CALHM4: variants seen among roughly 807,000 people sequenced by gnomAD.
CALHM4 encodes the protein calcium homeostasis modulator protein 4.
In CALHM4, 16 loss-of-function variants were observed where a neutral mutation model predicts 13.3. The observed-to-expected ratio is 1.20, with a 90% CI of 0.81 to 1.82. CALHM4 has a LOEUF of 1.82. Ranked by LOEUF, CALHM4 falls within the 40% of genes most tolerant of loss-of-function variation. The probability of loss-of-function intolerance (pLI) is 0.00; values close to 1 mark genes in which losing one functional copy is unlikely to be tolerated. For synonymous variants in CALHM4, 127 were observed against 137.1 expected (o/e 0.93, Z 0.52); for missense variants, 344 against 374.9 (o/e 0.92, Z 0.68).
chr6:116,553,750 G>GATCA (rs1562363877), upstream of CALHM4: 3 of 1,514,374 alleles, frequency 2.0e-6, no homozygotes, highest in Non-Finnish European at 2.7e-6. Flanking sequence ...GGAGTCTAAT[G>GATCA]ATCAGAAAGG....
intron 1 of CALHM4, among the ~76,000 whole-genome samples, chr6:116,557,270 A>C (rs1774364033): frequency 6.6e-6 from 1 of 152,144 alleles, no homozygotes; most frequent in Non-Finnish European, 1.5e-5. Flanking sequence ...TAGAAACATG[A>C]GTCTCTTCAC....
chr6:116,552,299 A>G (rs1005007603), upstream of CALHM4, among the ~76,000 whole-genome samples: 1 of 152,120 alleles, frequency 6.6e-6, no homozygotes, highest in South Asian at 2.1e-4. Flanking sequence ...TTTAAAGAAT[A>G]TCTATTTTTT....
At chr6:116,530,898 G>T (rs1323892321) in intron 1 of CALHM4, among the ~76,000 whole-genome samples, 1 of 110,404 alleles carries the variant, frequency 9.1e-6, no homozygotes, top group Non-Finnish European at 1.8e-5. Context: ...GATAAAGTGA[G>T]ACTCATATAT....
chr6:116,540,529 G>C, intron 1 of CALHM4: 1 of 1,464,388 alleles, frequency 6.8e-7, no homozygotes, highest in Non-Finnish European at 9.3e-7. Context: ...CAGTTTTTAA[G>C]AAGCGATTTG....
At chr6:116,532,505 C>T (rs772907569) in intron 1 of CALHM4, among the ~76,000 whole-genome samples, 1 of 152,148 alleles carries the variant, frequency 6.6e-6, no homozygotes, top group Non-Finnish European at 1.5e-5. Context: ...ATAAATGATC[C>T]CTCCTTTGGA....
chr6:116,554,752 GTA>G (rs539468098), intron 1 of CALHM4, among the ~76,000 whole-genome samples: 4 of 151,858 alleles, frequency 2.6e-5, no homozygotes, highest in Admixed American at 6.6e-5. Flanking sequence ...CCCATTTTCT[GTA>G]TATATATATT....
chr6:116,529,492 G>A (rs945574038), intron 1 of CALHM4, among the ~76,000 whole-genome samples: 3 of 152,208 alleles, frequency 2.0e-5, no homozygotes, highest in Non-Finnish European at 2.9e-5. Flanking sequence ...CTGTCAGGCT[G>A]CTTTTGGTAG....
chr6:116,530,811 C>T (rs902053628), intron 1 of CALHM4, among the ~76,000 whole-genome samples: 1 of 149,866 alleles, frequency 6.7e-6, no homozygotes, highest in Admixed American at 6.7e-5. Context: ...AGTTACGTGC[C>T]CCAAATTCTA....
intron 1 of CALHM4, among the ~76,000 whole-genome samples, chr6:116,557,352 G>A (rs1012713423): frequency 3.9e-5 from 6 of 152,040 alleles, no homozygotes; most frequent in Non-Finnish European, 7.3e-5. Context: ...AACACCTGTT[G>A]GTACATCATT....
At position 116,558,465 on chromosome 6, in the gene CALHM4, T is replaced by G. The variant is rs1333371312; in HGVS notation, c.*254T>G. On this transcript the variant is annotated 3_prime_UTR_variant, in exon 2 of 2. Coordinates refer to ENST00000368596, the MANE Select transcript of CALHM4 (RefSeq NM_001366078.2). ...GTCACATGGAAATTTGCATCTTAGTTCTGTTACTTAGTAGCTGTGTGAAAA... is the reference window on the plus strand; with the variant it reads ...GTCACATGGAAATTTGCATCTTAGTGCTGTTACTTAGTAGCTGTGTGAAAA... 2.4e-6 allele frequency: 1 copy of G among 421,196 alleles called. No homozygotes were observed. Among genetic ancestry groups the G allele is most frequent in the Non-Finnish European group, 4.2e-6 (1 of 236,090 alleles). The allele number at this position is 421,196 out of a possible 1,614,324, so 26.1% of individuals were successfully genotyped here.
chr6:116,543,928 A>T (rs1017806033), intron 2 of CALHM4: 1 of 1,327,770 alleles, frequency 7.5e-7, no homozygotes, highest in African/African-American at 1.5e-5. Flanking sequence ...ATTTCCTTAT[A>T]GTTCTCCAAA....
intron 2 of CALHM4, among the ~76,000 whole-genome samples, chr6:116,547,312 A>G (rs1046498986): frequency 1.3e-5 from 2 of 152,180 alleles, no homozygotes; most frequent in African/African-American, 4.8e-5. Flanking sequence ...TGATGGCGGT[A>G]CTGGAATCAA....
At chr6:116,540,797 C>T (rs556993270) in intron 1 of CALHM4, among the ~76,000 whole-genome samples, 19 of 152,152 alleles carry the variant, frequency 1.2e-4, no homozygotes, top group Non-Finnish European at 1.9e-4. Context: ...ATTTTCTCAT[C>T]ATTAGCTATT....
intron 2 of CALHM4, among the ~76,000 whole-genome samples, chr6:116,544,183 A>AGAG (rs1773635107): frequency 1.2e-5 from 1 of 83,214 alleles, no homozygotes; most frequent in African/African-American, 3.4e-5. Context: ...GAGAGAGAGA[A>AGAG]TGATGAGATT....
intron 1 of CALHM4, among the ~76,000 whole-genome samples, chr6:116,542,374 A>ATGAGAGT (rs1773518278): frequency 6.6e-6 from 1 of 152,164 alleles, no homozygotes; most frequent in African/African-American, 2.4e-5. Flanking sequence ...AAGAAGAAAA[A>ATGAGAGT]TGAGAGTTTT....
chr6:116,544,776 T>C (rs924773438), intron 2 of CALHM4, among the ~76,000 whole-genome samples: 27 of 152,098 alleles, frequency 1.8e-4, no homozygotes, highest in Middle Eastern at 3.2e-3. Context: ...AGTTAGTCAC[T>C]ACAATTCTAA....
At chr6:116,531,336 G>A (rs1228117333) in intron 1 of CALHM4, among the ~76,000 whole-genome samples, 3 of 152,074 alleles carry the variant, frequency 2.0e-5, no homozygotes, top group Non-Finnish European at 4.4e-5. Flanking sequence ...GAAGCCATGA[G>A]GCAACAAAAA....
rs1774405759 is a variant in CALHM4 at position 116,557,939 on chromosome 6, C to T, written c.673C>T (p.Leu225Phe). The T allele has an allele frequency of 6.2e-7, 1 of 1,614,140 alleles. No individual in the cohort carries two copies. Among genetic ancestry groups the T allele is most frequent in the Non-Finnish European group, 8.5e-7 (1 of 1,180,014 alleles). The change falls in exon 2 of 2, where the codon CTC becomes TTC. Residue 225 changes from leucine (L) to phenylalanine (F), a missense_variant. By Grantham distance (22) the Leu-to-Phe change is conservative (BLOSUM62 0). Transcript: ENST00000368596. ...GCAACATTGCTACTGGACCAGCCAC[C>T]TCCAGAATGAGAGAGAACTCTTTGA... ...SLQHCYWTSHLQNERELFEQA... is the reference protein window; with the variant it reads ...SLQHCYWTSHFQNERELFEQA...
At chr6:116,546,731 A>G (rs1035342279) in intron 2 of CALHM4, among the ~76,000 whole-genome samples, 3 of 152,180 alleles carry the variant, frequency 2.0e-5, no homozygotes, top group Admixed American at 6.5e-5. Flanking sequence ...ATTAAAATGC[A>G]CCATATAATA....
Sources: gnomAD v4.1 joint callset for allele counts (sites outside exome capture counted in the v4.1 genomes callset) on GRCh38, gnomAD v4.1.1 for gene constraint, MANE v1.5 for transcripts, NCBI Gene and HGNC (gene_info 2026-07-23, HGNC 2026-07-21) for gene names.